The following GTF3C3 variants were observed in gnomAD, a reference collection of about 807,000 sequenced individuals.
GTF3C3 encodes general transcription factor 3C polypeptide 3.
GTF3C3 carries 75 observed loss-of-function variants against 105.2 expected under a neutral mutation model. That is an observed-to-expected ratio of 0.71 (90% CI 0.59 to 0.86). GTF3C3 has a LOEUF of 0.86. Among genes scored for constraint, GTF3C3 ranks in the 40% least tolerant of loss-of-function variants. The pLI, the probability that GTF3C3 is intolerant of heterozygous loss-of-function variation, is 0.00. For synonymous variants in GTF3C3, 335 were observed against 370.4 expected (o/e 0.90, Z 1.10); for missense variants, 856 against 1,076.5 (o/e 0.80, Z 2.87).
chr2:196,775,080 A>T, intron 13 of GTF3C3, 36 bp downstream of exon 13: 1 of 1,576,044 alleles, frequency 6.3e-7, no homozygotes, highest in Non-Finnish European at 8.7e-7. Flanking sequence ...CAATTCAGCC[A>T]AATTTTATAT....
intron 8 of GTF3C3, among the ~76,000 whole-genome samples, chr2:196,781,350 AAAAAAAAATAT>A (rs1410611317): frequency 2.2e-5 from 2 of 89,952 alleles, no homozygotes; most frequent in Non-Finnish European, 2.3e-5. Flanking sequence ...GGGAAAAAAA[AAAAAAAAATAT>A]ATATATATAT....
chr2:196,764,615 C>T lies in GTF3C3; in HGVS notation c.2609G>A (p.Ser870Asn). 6.2e-7 allele frequency: 1 copy of T among 1,613,480 alleles called. No individual in the cohort carries two copies. The highest frequency in any genetic ancestry group is 8.5e-7 in the Non-Finnish European group (1 of 1,179,432). Residue 870 changes from serine (S) to asparagine (N), a missense_variant, in exon 18 of 18, where the codon AGT (serine) becomes AAT (asparagine). Ser to Asn is a conservative substitution (Grantham distance 46). Transcript: ENST00000263956. ...CGTTTGAGCCATTCCGGTATTCCCA[C>T]TGCTCTGATAGATGAGAGACAAGTT... ...AYNLSLIYQS[S>N]GNTGMAQTLL...
intron 10 of GTF3C3, chr2:196,778,021 T>TGCA (rs1699286540): frequency 6.6e-6 from 1 of 152,208 alleles, no homozygotes; most frequent in South Asian, 2.1e-4. Context: ...AAAAGTGTTA[T>TGCA]CTTAATCATT....
chr2:196,789,549 G>C (rs1456960426), intron 5 of GTF3C3, among the ~76,000 whole-genome samples, 180 bp from the exon 6 acceptor site: 1 of 152,174 alleles, frequency 6.6e-6, no homozygotes, highest in Non-Finnish European at 1.5e-5. Flanking sequence ...AGAGCAGATA[G>C]AATCTGAATC....
chr2:196,785,611 A>G (rs776305552), intron 6 of GTF3C3, 23 bp from the exon 7 acceptor site: 13 of 1,470,290 alleles, frequency 8.8e-6, no homozygotes, highest in Non-Finnish European at 1.9e-6. Flanking sequence ...GGCAAAATGG[A>G]TGAATATTTA....
At chr2:196,790,658 T>G (rs560053281) in intron 4 of GTF3C3, among the ~76,000 whole-genome samples, 1 of 152,290 alleles carries the variant, frequency 6.6e-6, no homozygotes, top group South Asian at 2.1e-4. Flanking sequence ...AAATGAAATA[T>G]ACTAAAGGAA....
intron 10 of GTF3C3, chr2:196,778,128 A>G (rs532613020): frequency 2.5e-4 from 38 of 152,352 alleles, no homozygotes; most frequent in African/African-American, 8.7e-4. Flanking sequence ...CTGTCATCAT[A>G]TAATACTTAA....
intron 7 of GTF3C3, 91 bp from the exon 8 acceptor site, chr2:196,785,020 C>G (rs939476410): frequency 3.6e-6 from 3 of 828,088 alleles, no homozygotes; most frequent in Non-Finnish European, 5.7e-6. Flanking sequence ...CAAATAATCC[C>G]TAATATAAAG....
chr2:196,792,441 A>T (rs900210626), intron 3 of GTF3C3, among the ~76,000 whole-genome samples: 1 of 152,160 alleles, frequency 6.6e-6, no homozygotes, highest in Non-Finnish European at 1.5e-5. Context: ...CATTACAGAC[A>T]TGAGCCACTG....
chr2:196,766,437 G>A (rs912585440), intron 17 of GTF3C3, 128 bp downstream of exon 17: 28 of 682,506 alleles, frequency 4.1e-5, no homozygotes, highest in Non-Finnish European at 6.3e-5. Flanking sequence ...ACATAATTAC[G>A]TAAACATACT....
intron 13 of GTF3C3, among the ~76,000 whole-genome samples, chr2:196,774,117 G>A (rs1433327364): frequency 6.6e-6 from 1 of 152,096 alleles, no homozygotes; most frequent in Admixed American, 6.5e-5. Flanking sequence ...TTAGTTCTCT[G>A]TAAAAAGCCT....
chr2:196,774,934 A>G (rs1699237174), intron 13 of GTF3C3, 182 bp downstream of exon 13: 2 of 422,648 alleles, frequency 4.7e-6, no homozygotes, highest in Non-Finnish European at 8.4e-6. Flanking sequence ...AATTTAAAGT[A>G]TTTACATTTA....
chr2:196,792,753 ACAGGCACACCACCATGCCC>A (rs1257414794), intron 3 of GTF3C3, among the ~76,000 whole-genome samples, 184 bp downstream of exon 3: 51 of 152,196 alleles, frequency 3.4e-4, no homozygotes, highest in Non-Finnish European at 6.5e-4. Flanking sequence ...CAGCTGGGCT[ACAGGCACACCACCATGCCC>A]GGCTATAATT....
rs939876284 is a variant in GTF3C3, at chr2:196,786,641, T to G, written c.894-1053A>C. Among the ~76,000 whole-genome samples, 1 of 152,140 alleles carries G rather than the reference T, an allele frequency of 6.6e-6. No homozygotes were observed. Among genetic ancestry groups the G allele is most frequent in the South Asian group, 2.1e-4 (1 of 4,816 alleles). On this transcript the variant is annotated intron_variant, in intron 6 of 17. Coordinates refer to ENST00000263956, the MANE Select transcript of GTF3C3 (RefSeq NM_012086.5). This position sits in a 1 kb window ranked among gnomAD's most constrained non-coding sequence, Gnocchi z 4.2. ...ACAAATCTTCAACGTGTCCCTCAAT[T>G]TTTGATTACTCCCATCTAAATAAAG...
At chr2:196,780,040 T>C (rs1328387366) in intron 9 of GTF3C3, 1 of 154,354 alleles carries the variant, frequency 6.5e-6, no homozygotes, top group Non-Finnish European at 1.4e-5. Context: ...ATATTCCTTA[T>C]TTTCCTCCTT....
chr2:196,779,064 G>C lies in GTF3C3; in HGVS notation c.1222C>G (p.Leu408Val). ...HLNILEPLNP[L>V]LTTLVEQNPE... Reference sequence around the variant, plus strand: ...TTCTGTTCTACTAGTGTTGTCAAGAGAGGCTAGACCACAAATAAAAGCCCC... The same window carrying C: ...TTCTGTTCTACTAGTGTTGTCAAGACAGGCTAGACCACAAATAAAAGCCCC... Residue 408 changes from leucine (L) to valine (V), a missense_variant, in exon 10 of 18, where the codon CTC becomes GTC. Leu to Val is a conservative substitution (Grantham distance 32). Transcript: ENST00000263956. 1 of 1,612,516 alleles carries C rather than the reference G, an allele frequency of 6.2e-7. No individual in the cohort carries two copies. Among genetic ancestry groups the C allele is most frequent in the Non-Finnish European group, 8.5e-7 (1 of 1,178,810 alleles).
intron 7 of GTF3C3, 125 bp downstream of exon 7, chr2:196,785,316 T>G: frequency 1.6e-6 from 1 of 631,128 alleles, no homozygotes; most frequent in Non-Finnish European, 2.7e-6. Context: ...AGAAATCACT[T>G]GTTTCCATAT....
At chr2:196,775,318 T>A (rs1228414489) in intron 12 of GTF3C3, 67 bp from the exon 13 acceptor site, 1 of 1,437,456 alleles carries the variant, frequency 7.0e-7, no homozygotes, top group African/African-American at 1.4e-5. Context: ...CAAAGTCTTG[T>A]TATGTTGGCT....
At chr2:196,768,513 TA>T (rs922635878) in intron 16 of GTF3C3, among the ~76,000 whole-genome samples, 6 of 151,994 alleles carry the variant, frequency 3.9e-5, no homozygotes, top group South Asian at 2.1e-4. Flanking sequence ...TAATAAACCA[TA>T]AAAAAAATTT....
Sources: allele counts gnomAD v4.1 joint callset (sites outside exome capture counted in the v4.1 genomes callset), GRCh38; gene constraint gnomAD v4.1.1; non-coding constraint Gnocchi (gnomAD v3.1); transcripts MANE v1.5; gene names NCBI Gene and HGNC (gene_info 2026-07-23, HGNC 2026-07-21).